The following PPP2R2C variants were observed in gnomAD, a reference collection of about 807,000 sequenced individuals.
PPP2R2C encodes protein phosphatase 2 regulatory subunit Bgamma.
PPP2R2C carries 10 observed loss-of-function variants against 45.3 expected under a neutral mutation model. The ratio of observed to expected loss-of-function variants is 0.22; its 90% CI spans 0.14 to 0.37. PPP2R2C has a LOEUF of 0.37. Ranked by LOEUF, PPP2R2C falls within the 10% of genes least tolerant of loss-of-function variation. PPP2R2C has a pLI of 1.00. For synonymous variants in PPP2R2C, 257 were observed against 245.4 expected (o/e 1.05, Z -0.44); for missense variants, 308 against 619.7 (o/e 0.50, Z 5.34).
chr4:6,382,581 C>T, intron 1 of PPP2R2C: 1 of 1,263,322 alleles, frequency 7.9e-7, no homozygotes, highest in African/African-American at 1.5e-5. Flanking sequence ...GATGACAGCT[C>T]TATTGTTCAC....
intron 5 of PPP2R2C, chr4:6,351,314 A>AAAAC: frequency 1.1e-6 from 1 of 910,852 alleles, no homozygotes; most frequent in Non-Finnish European, 1.3e-6. Context: ...CTCCATCTCA[A>AAAAC]AAATAAATAA....
chr4:6,363,246 G>A lies in PPP2R2C; in HGVS notation c.625+9277C>T, dbSNP rs572702266. On this transcript the variant is annotated intron_variant, in intron 5 of 8. Coordinates refer to ENST00000382599, the MANE Select transcript of PPP2R2C (RefSeq NM_020416.4). ...ACAATACCCTCTCTTCTGGGGAGGG[G>A]AGAGATTGATTTTGTAGTGTTTGTA... 4.6e-5 allele frequency among the ~76,000 whole-genome samples: 7 copies of A among 152,302 alleles called. No homozygotes were observed. In the South Asian group the frequency reaches 6.2e-4, roughly 14 times the overall value.
intron 2 of PPP2R2C, among the ~76,000 whole-genome samples, chr4:6,512,757 C>T (rs1441349116): frequency 6.6e-6 from 1 of 151,732 alleles, no homozygotes. Context: ...TAAGACCTCA[C>T]CTGGGCCAGG....
intron 1 of PPP2R2C, among the ~76,000 whole-genome samples, chr4:6,557,852 TG>T (rs1283834812): frequency 6.6e-6 from 1 of 152,076 alleles, no homozygotes; most frequent in Non-Finnish European, 1.5e-5. Flanking sequence ...CCAGATGACA[TG>T]GGCGGGCACA....
chr4:6,337,112 G>GTGTGTGTGTGTATA (rs1202845732), intron 6 of PPP2R2C, among the ~76,000 whole-genome samples: 3 of 30,120 alleles, frequency 1.0e-4, no homozygotes, highest in African/African-American at 3.1e-4. Flanking sequence ...ATGTGTGTGT[G>GTGTGTGTGTGTATA]TATATATATA....
At chr4:6,527,241 C>T (rs772821465) in intron 2 of PPP2R2C, among the ~76,000 whole-genome samples, 13 of 152,178 alleles carry the variant, frequency 8.5e-5, no homozygotes, top group Non-Finnish European at 1.6e-4. Flanking sequence ...GGCCAGGGAG[C>T]GGGGATCTGT....
In PPP2R2C at chr4:6,471,297, C is replaced by A. The variant is rs1392901330; in HGVS notation, c.70+863G>T. ...CCCAGACCTCCCGGTCCCCATCCTCCATCGGGGTCACTCCGCGGGCCCTGC... is the reference window on the plus strand; with the variant it reads ...CCCAGACCTCCCGGTCCCCATCCTCAATCGGGGTCACTCCGCGGGCCCTGC... On this transcript the variant is annotated intron_variant, in intron 1 of 8. Transcript: ENST00000382599. This position sits in a 1 kb window ranked among gnomAD's most constrained non-coding sequence, Gnocchi z 5.6. Among the ~76,000 whole-genome samples the A allele has an allele frequency of 6.6e-6, 1 of 152,192 alleles. No homozygotes were observed. Among genetic ancestry groups the A allele is most frequent in the Non-Finnish European group, 1.5e-5 (1 of 68,044 alleles).
chr4:6,417,910 ATT>A (rs1386884042), intron 1 of PPP2R2C, among the ~76,000 whole-genome samples: 1 of 151,818 alleles, frequency 6.6e-6, no homozygotes, highest in Non-Finnish European at 1.5e-5. Context: ...TGACCCAATG[ATT>A]TGAGATGACG....
chr4:6,397,971 G>C (rs1203226015), intron 1 of PPP2R2C, among the ~76,000 whole-genome samples: 1 of 152,200 alleles, frequency 6.6e-6, no homozygotes, highest in Non-Finnish European at 1.5e-5. Context: ...CAACTAAACA[G>C]AGAATCCAGA....
chr4:6,324,790 G>A lies in PPP2R2C; in HGVS notation c.1053-1197C>T, dbSNP rs565990256. ...AAGGGTAAGTTCATCCACATAGTAAGAGGCAGGAGAGAAAGCACAGTTCTG... is the reference window on the plus strand; with the variant it reads ...AAGGGTAAGTTCATCCACATAGTAAAAGGCAGGAGAGAAAGCACAGTTCTG... On this transcript the variant is annotated intron_variant, in intron 8 of 8. Transcript: ENST00000382599. The surrounding 1 kb of genome is among the most constrained non-coding windows in gnomAD (Gnocchi z 4.1). Among the ~76,000 whole-genome samples the A allele has an allele frequency of 2.4e-4, 37 of 152,328 alleles. No individual in the cohort carries two copies. Among genetic ancestry groups the A allele is most frequent in the African/African-American group, 8.9e-4 (37 of 41,576 alleles).
chr4:6,457,350 A>G (rs759883414), intron 1 of PPP2R2C, among the ~76,000 whole-genome samples: 7 of 152,110 alleles, frequency 4.6e-5, no homozygotes, highest in Non-Finnish European at 1.0e-4. Flanking sequence ...ACAGTTACAA[A>G]TGTCCATAGG....
intron 1 of PPP2R2C, among the ~76,000 whole-genome samples, chr4:6,439,376 C>T (rs554183399): frequency 1.3e-5 from 2 of 152,194 alleles, no homozygotes; most frequent in African/African-American, 4.8e-5. Flanking sequence ...TACGGGGGTG[C>T]TTTTCCAGTT....
rs981796209 is a variant in PPP2R2C at position 6,383,349 on chromosome 4, A to G, written c.71-2255T>C. On this transcript the variant is annotated intron_variant, in intron 1 of 8. Coordinates refer to ENST00000382599, the MANE Select transcript of PPP2R2C (RefSeq NM_020416.4). ...ATCGCAGATGCAAGATGATGAAAAC[A>G]TTTACTGTTGTATGCACGGGGTCTC... The G allele has an allele frequency of 7.0e-6, 9 of 1,289,318 alleles. No homozygotes were observed. The African/African-American group carries it at 1.4e-4, about 20-fold the overall frequency. 79.9% of individuals were successfully genotyped at this position (1,289,318 alleles called of 1,614,324 possible).
At position 6,409,965 on chromosome 4, in the gene PPP2R2C, G is replaced by A. The variant is rs181006674; in HGVS notation, c.71-28871C>T. Among the ~76,000 whole-genome samples, 614 of 152,260 alleles carry A rather than the reference G, an allele frequency of 4.0e-3. 11 individuals are homozygous for A. Among genetic ancestry groups the A allele is most frequent in the Middle Eastern group, 6.8e-3 (2 of 294 alleles). Reference sequence around the variant, plus strand: ...GGCCTTCCCTGCCTTCTGCTCTCAGGAAGTAGAGTTTAAAGTGAGGAGCCA... The same window carrying A: ...GGCCTTCCCTGCCTTCTGCTCTCAGAAAGTAGAGTTTAAAGTGAGGAGCCA... On this transcript the variant is annotated intron_variant, in intron 1 of 8. Transcript: ENST00000382599.
At chr4:6,477,184 G>T (rs182106942), upstream of PPP2R2C, among the ~76,000 whole-genome samples, 45 of 152,282 alleles carry the variant, frequency 3.0e-4, no homozygotes, top group Non-Finnish European at 5.7e-4. Flanking sequence ...GGAGACAGGG[G>T]TTGCAGTGAG....
In PPP2R2C at chr4:6,554,951, GAA is replaced by G. The variant is rs1553909485; in HGVS notation, c.-59+8607_-59+8608del. Among the ~76,000 whole-genome samples the G allele has an allele frequency of 4.1e-3, 569 of 137,254 alleles. 6 individuals carry two copies. The highest frequency in any genetic ancestry group is 0.019 in the East Asian group (83 of 4,370). The allele number at this position is 137,254 out of a possible 152,430, so 90.0% of individuals were successfully genotyped here. A position where few individuals can be genotyped will look rare whatever the true frequency, so the allele number is the denominator to read the frequency against. Reference sequence around the variant, plus strand: ...GGAAGGAAAGAAAGAAAGAAAGAAAGAAAGAAAGAAAGAAAGAGAAAGAAAGA... The same window carrying G: ...GGAAGGAAAGAAAGAAAGAAAGAAAGAGAAAGAAAGAAAGAGAAAGAAAGA... On this transcript the variant is annotated intron_variant, in intron 1 of 9. Transcript: ENST00000506140.
chr4:6,522,759 G>C (rs1313262415), intron 2 of PPP2R2C, among the ~76,000 whole-genome samples: 2 of 152,228 alleles, frequency 1.3e-5, no homozygotes, highest in Non-Finnish European at 2.9e-5. Context: ...CCTTCTCCTT[G>C]GCCCCTGGTT....
intron 1 of PPP2R2C, among the ~76,000 whole-genome samples, chr4:6,416,856 C>T (rs1023219615): frequency 6.6e-6 from 1 of 152,302 alleles, no homozygotes; most frequent in East Asian, 1.9e-4. Flanking sequence ...GGGGAAGGCT[C>T]CTGGCCTCTC....
intron 5 of PPP2R2C, among the ~76,000 whole-genome samples, chr4:6,365,689 G>A (rs564900118): frequency 1.6e-4 from 24 of 152,198 alleles, no homozygotes; most frequent in Non-Finnish European, 3.1e-4. Flanking sequence ...ATGGGCTGAT[G>A]AAGGTTCTGA....
Sources: gnomAD v4.1 joint callset for allele counts (sites outside exome capture counted in the v4.1 genomes callset) on GRCh38, gnomAD v4.1.1 for gene constraint, Gnocchi (gnomAD v3.1) non-coding constraint, MANE v1.5 for transcripts, NCBI Gene and HGNC (gene_info 2026-07-23, HGNC 2026-07-21) for gene names.